FEM1C: variants seen among roughly 807,000 people sequenced by gnomAD.
FEM1C encodes fem-1 homolog C.
A neutral mutation model predicts 37.6 loss-of-function variants in FEM1C; 15 were observed. The observed-to-expected ratio is 0.40, with a 90% CI of 0.27 to 0.61. The LOEUF is 0.61. FEM1C is among the 20% of genes least tolerant of loss of function. FEM1C has a pLI of 0.42. For missense variants in FEM1C, 532 were observed against 749.7 expected (o/e 0.71, Z 3.39); for synonymous variants, 287 against 272.8 (o/e 1.05, Z -0.51).
intron 2 of FEM1C, among the ~76,000 whole-genome samples, chr5:115,540,662 A>T (rs895087132): frequency 2.2e-4 from 33 of 152,080 alleles, no homozygotes; most frequent in African/African-American, 7.5e-4. Flanking sequence ...ATGCTGAAAA[A>T]ATCTGAGCTA....
Position 115,542,391 on chromosome 5 carries a change from A to G in FEM1C, c.544+559T>C, listed in dbSNP as rs145233271. 4.5e-3 allele frequency among the ~76,000 whole-genome samples: 687 copies of G among 152,278 alleles called. 9 individuals carry two copies. Among genetic ancestry groups the G allele is most frequent in the African/African-American group, 0.015 (641 of 41,560 alleles). On this transcript the variant is annotated intron_variant, in intron 2 of 2. Transcript: ENST00000274457. The stretch of plus-strand genomic sequence containing the variant: ...GCATGTTCTTATAAAAGGATTATCT[A>G]TTGACCACAAACAAATATAGAATAA...
intron 2 of FEM1C, among the ~76,000 whole-genome samples, chr5:115,542,203 A>T (rs911264590): frequency 4.6e-5 from 7 of 152,330 alleles, no homozygotes; most frequent in Admixed American, 3.9e-4. Flanking sequence ...TATTACAATC[A>T]ACAAAAATTA....
At chr5:115,531,280 A>G (rs1446519701) in intron 2 of FEM1C, among the ~76,000 whole-genome samples, 1 of 152,084 alleles carries the variant, frequency 6.6e-6, no homozygotes, top group Non-Finnish European at 1.5e-5. Context: ...AACTCAAAAA[A>G]CTTTCACAAT....
chr5:115,544,126 G>A, intron 1 of FEM1C: 1 of 985,408 alleles, frequency 1.0e-6, no homozygotes, highest in East Asian at 1.1e-4. Context: ...GAACAAAAAG[G>A]TCGGACACAC....
chr5:115,543,731 A>C, intron 1 of FEM1C, 48 bp from the exon 2 acceptor site: 1 of 1,326,650 alleles, frequency 7.5e-7, no homozygotes, highest in Admixed American at 3.7e-5. Flanking sequence ...CTATAGAAGA[A>C]GGCAAAACAC....
intron 2 of FEM1C, among the ~76,000 whole-genome samples, chr5:115,536,048 A>G (rs1314255134): frequency 2.0e-5 from 3 of 151,926 alleles, no homozygotes; most frequent in Non-Finnish European, 4.4e-5. Flanking sequence ...CTGGTTGCCT[A>G]AGACTAGTGC....
intron 2 of FEM1C, among the ~76,000 whole-genome samples, chr5:115,531,458 A>G (rs1340607607): frequency 6.6e-6 from 1 of 152,106 alleles, no homozygotes; most frequent in Non-Finnish European, 1.5e-5. Flanking sequence ...ACGTATTTTA[A>G]AAGACTAACA....
In FEM1C at chr5:115,536,685, C is replaced by CA. The variant is rs892364882; in HGVS notation, c.544+6264dup. Among the ~76,000 whole-genome samples, 7 of 150,524 alleles carry CA rather than the reference C, an allele frequency of 4.7e-5. 1 individual carries two copies. Among genetic ancestry groups the CA allele is most frequent in the African/African-American group, 1.7e-4 (7 of 40,898 alleles). On this transcript the variant is annotated intron_variant, in intron 2 of 2. Coordinates refer to ENST00000274457, the MANE Select transcript of FEM1C (RefSeq NM_020177.3). ...TGAGAGATACTCAAGAACAGAAGTT[C>CA]AAAAAAAAGGAAATTAAAAAAAAGA...
At chr5:115,531,745 T>C (rs1001101676) in intron 2 of FEM1C, among the ~76,000 whole-genome samples, 12 of 152,130 alleles carry the variant, frequency 7.9e-5, no homozygotes, top group African/African-American at 2.4e-4. Flanking sequence ...TCATAAAATA[T>C]TTTTCATTTG....
In FEM1C at chr5:115,525,495, C is replaced by T. The variant is rs757870961; in HGVS notation, c.667G>A (p.Val223Met). The change falls in exon 3 of 3, where the codon GTG becomes ATG. Residue 223 changes from valine (V) to methionine (M), a missense_variant. Transcript: ENST00000274457. ...TCCACAATATTTGTGTGACCAGTCACACTTGCTGAGAGAAGGGGAGTCATT... is the reference window on the plus strand; with the variant it reads ...TCCACAATATTTGTGTGACCAGTCATACTTGCTGAGAGAAGGGGAGTCATT... ...YGMTPLLSAS[V>M]TGHTNIVDFL... 2.5e-6 allele frequency: 4 copies of T among 1,613,698 alleles called. No homozygotes were observed. The highest frequency in any genetic ancestry group is 3.4e-6 in the Non-Finnish European group (4 of 1,179,798).
chr5:115,525,266 G>A lies in FEM1C; in HGVS notation c.896C>T (p.Ala299Val). 1 of 1,613,514 alleles carries A rather than the reference G, an allele frequency of 6.2e-7. No homozygotes were observed. The highest frequency in any genetic ancestry group is 1.1e-5 in the South Asian group (1 of 91,066). ...PQTLIMAYDY[A>V]KEVNSAEELE... ...CTCTTCTGCACTGTTCACTTCCTTG[G>A]CATAATCATAAGCCATTATTAGTGT... The change falls in exon 3 of 3, where the codon GCC becomes GTC. Residue 299 changes from alanine to valine, a missense_variant. By Grantham distance (64) the Ala-to-Val change is moderately conservative (BLOSUM62 0). Coordinates refer to ENST00000274457, the MANE Select transcript of FEM1C (RefSeq NM_020177.3).
Position 115,524,299 on chromosome 5 carries a change from G to GT in FEM1C, c.*8dup. The GT allele has an allele frequency of 6.2e-7, 1 of 1,610,164 alleles. No homozygotes were observed. The highest frequency in any genetic ancestry group is 8.5e-7 in the Non-Finnish European group (1 of 1,177,114). Reference sequence around the variant, plus strand: ...CGTGCTTTAACAGTGCTAAAATACAGTCAAGTTATCATCTATGAAGGGAAA... The same window carrying GT: ...CGTGCTTTAACAGTGCTAAAATACAGTTCAAGTTATCATCTATGAAGGGAAA... On this transcript the variant is annotated 3_prime_UTR_variant, in exon 3 of 3. Transcript: ENST00000274457.
chr5:115,535,639 C>A (rs1053203146), intron 2 of FEM1C, among the ~76,000 whole-genome samples: 6 of 151,918 alleles, frequency 3.9e-5, no homozygotes, highest in African/African-American at 1.4e-4. Flanking sequence ...TGGAACTCTT[C>A]TTACATTGCT....
At position 115,525,763 on chromosome 5, in the gene FEM1C, A is replaced by T. The variant is rs1373814072; in HGVS notation, c.545-146T>A. 3 of 603,988 alleles carry T rather than the reference A, an allele frequency of 5.0e-6. No individual in the cohort carries two copies. The African/African-American group carries it at 5.6e-5, about 11-fold the overall frequency. The allele number at this position is 603,988 out of a possible 1,614,324, so 37.4% of individuals were successfully genotyped here. A position where few individuals can be genotyped will look rare whatever the true frequency, so the allele number is the denominator to read the frequency against. ...TACTTGGTTTACAAACGAGAAAAAA[A>T]AATTCCCCCAGTACCTAAAACTAGT... On this transcript the variant is annotated intron_variant, in intron 2 of 2. Coordinates refer to ENST00000274457, the MANE Select transcript of FEM1C (RefSeq NM_020177.3).
chr5:115,537,249 TCAAA>T (rs946542762), intron 2 of FEM1C, among the ~76,000 whole-genome samples: 1 of 151,990 alleles, frequency 6.6e-6, no homozygotes, highest in Non-Finnish European at 1.5e-5. Context: ...GAATTTTATT[TCAAA>T]CAAACATATT....
chr5:115,527,149 T>G (rs1334426010), intron 2 of FEM1C, among the ~76,000 whole-genome samples: 1 of 152,138 alleles, frequency 6.6e-6, no homozygotes, highest in Admixed American at 6.5e-5. Context: ...CAGCTGCATG[T>G]CCTTATGACA....
At chr5:115,537,028 A>G (rs1433420124) in intron 2 of FEM1C, among the ~76,000 whole-genome samples, 3 of 152,040 alleles carry the variant, frequency 2.0e-5, no homozygotes, top group Non-Finnish European at 2.9e-5. Context: ...CTTCAACATT[A>G]TAATTCCCTG....
chr5:115,522,249 TA>T lies in FEM1C; in HGVS notation c.*2058del, dbSNP rs1753791788. 2 of 151,828 alleles carry T rather than the reference TA, an allele frequency of 1.3e-5. No homozygotes were observed. The highest frequency in any genetic ancestry group is 4.1e-4 in the South Asian group (2 of 4,830). 9.4% of individuals were successfully genotyped at this position (151,828 alleles called of 1,614,324 possible). ...ATGGCAAAGTTTTCCTTTATAAAAA[TA>T]ATAGCTTATTCATATATAATTCTTA... On this transcript the variant is annotated 3_prime_UTR_variant, in exon 3 of 3. Coordinates refer to ENST00000274457, the MANE Select transcript of FEM1C (RefSeq NM_020177.3).
At chr5:115,534,415 G>C (rs529966133) in intron 2 of FEM1C, among the ~76,000 whole-genome samples, 133 of 152,016 alleles carry the variant, frequency 8.7e-4, no homozygotes, top group Non-Finnish European at 1.5e-3. Context: ...TGTATTTTGA[G>C]GAAGAACTAG....
Sources: allele counts gnomAD v4.1 joint callset (sites outside exome capture counted in the v4.1 genomes callset), GRCh38; gene constraint gnomAD v4.1.1; transcripts MANE v1.5; gene names NCBI Gene and HGNC (gene_info 2026-07-23, HGNC 2026-07-21).